Variants in CRACD observed in about 807,000 individuals in gnomAD.
The protein encoded by CRACD is capping protein inhibiting regulator of actin dynamics.
In CRACD, 56 loss-of-function variants were observed where a neutral mutation model predicts 106.8. The observed-to-expected ratio is 0.52, with a 90% CI of 0.42 to 0.66. The LOEUF is 0.66. Ranked by LOEUF, CRACD falls within the 30% of genes least tolerant of loss-of-function variation. The probability of loss-of-function intolerance (pLI) is 0.00; values close to 1 mark genes in which losing one functional copy is unlikely to be tolerated. For missense variants in CRACD, 1,730 were observed against 1,623.2 expected, an observed-to-expected ratio of 1.07 and a Z score of -1.13; for synonymous variants, 754 against 670.8, an observed-to-expected ratio of 1.12 and a Z score of -1.92.
chr4:56,202,408 G>A (rs1310808872), intron 2 of CRACD, among the ~76,000 whole-genome samples: 4 of 152,092 alleles, frequency 2.6e-5, no homozygotes, highest in East Asian at 1.9e-4. Flanking sequence ...CATCACACCC[G>A]GCTAATTTTT....
At chr4:56,091,967 G>A (rs1733437423) in intron 1 of CRACD, among the ~76,000 whole-genome samples, 1 of 152,180 alleles carries the variant, frequency 6.6e-6, no homozygotes, top group Non-Finnish European at 1.5e-5. Flanking sequence ...AGACTCGCTT[G>A]AGGCCAGGTG....
chr4:56,147,068 G>GC (rs1487060250), intron 1 of CRACD, among the ~76,000 whole-genome samples: 1 of 152,114 alleles, frequency 6.6e-6, no homozygotes, highest in Non-Finnish European at 1.5e-5. Flanking sequence ...GGTCCAATTT[G>GC]CATCATCCTG....
intron 3 of CRACD, among the ~76,000 whole-genome samples, chr4:56,297,212 G>A (rs1296504369): frequency 1.3e-5 from 2 of 152,096 alleles, no homozygotes; most frequent in African/African-American, 4.8e-5. Flanking sequence ...CAAAGTGCTG[G>A]GCTTGGCATG....
At chr4:56,111,615 C>T (rs1340047833) in intron 1 of CRACD, among the ~76,000 whole-genome samples, 1 of 152,226 alleles carries the variant, frequency 6.6e-6, no homozygotes, top group Non-Finnish European at 1.5e-5. Flanking sequence ...AATCTTGGCT[C>T]ACTGCAGCCT....
chr4:56,329,120 G>A lies in CRACD; in HGVS notation c.*1316G>A, dbSNP rs930998314. 6.6e-6 allele frequency among the ~76,000 whole-genome samples: 1 copy of A among 152,166 alleles called. No homozygotes were observed. The highest frequency in any genetic ancestry group is 1.5e-5 in the Non-Finnish European group (1 of 68,040). ...TCATACACATGTGCATACAAAGAAG[G>A]GACTTGGCAGTTTAAAAGCCACATA... On this transcript the variant is annotated 3_prime_UTR_variant, in exon 11 of 11. Transcript: ENST00000682029.
At chr4:56,056,800 T>C (rs1424988431) in intron 1 of CRACD, among the ~76,000 whole-genome samples, 1 of 152,042 alleles carries the variant, frequency 6.6e-6, no homozygotes, top group Non-Finnish European at 1.5e-5. Context: ...GTGCTGGGCC[T>C]GGTGGCTCAT....
chr4:56,187,034 A>T (rs140572276), intron 2 of CRACD, among the ~76,000 whole-genome samples: 4 of 151,628 alleles, frequency 2.6e-5, no homozygotes, highest in Non-Finnish European at 5.9e-5. Flanking sequence ...ATGCCACTGC[A>T]CTCCAGCCTG....
intron 2 of CRACD, among the ~76,000 whole-genome samples, chr4:56,204,984 T>C (rs1300533185): frequency 6.6e-6 from 1 of 152,056 alleles, no homozygotes; most frequent in Non-Finnish European, 1.5e-5. Flanking sequence ...TAGCAAGACC[T>C]CATTTCTACA....
chr4:56,270,379 C>T (rs1311286099), intron 2 of CRACD, among the ~76,000 whole-genome samples: 1 of 152,082 alleles, frequency 6.6e-6, no homozygotes, highest in Non-Finnish European at 1.5e-5. Flanking sequence ...TCTGTGACAT[C>T]TCAGTAAGGC....
chr4:56,171,752 A>G (rs1736373744), intron 1 of CRACD, among the ~76,000 whole-genome samples: 1 of 152,182 alleles, frequency 6.6e-6, no homozygotes, highest in Non-Finnish European at 1.5e-5. Context: ...AAATAGTAGA[A>G]AATTATAAGA....
intron 2 of CRACD, among the ~76,000 whole-genome samples, chr4:56,185,998 C>G (rs1737080121): frequency 6.6e-6 from 1 of 152,218 alleles, no homozygotes; most frequent in Non-Finnish European, 1.5e-5. Context: ...ACACCCATCC[C>G]TCCTTTCTTC....
At position 56,315,034 on chromosome 4, in the gene CRACD, C is replaced by T. The variant is rs753812363; in HGVS notation, c.1532C>T (p.Ala511Val). The T allele has an allele frequency of 2.8e-5, 45 of 1,599,274 alleles. No individual in the cohort carries two copies. Among genetic ancestry groups the T allele is most frequent in the South Asian group, 2.3e-4 (20 of 88,238 alleles). ...CCTCCGGTGGAGAGGAAAGAAGCCGCCGCCCTTGAACAAGGCCGCAAGGTG... is the reference window on the plus strand; with the variant it reads ...CCTCCGGTGGAGAGGAAAGAAGCCGTCGCCCTTGAACAAGGCCGCAAGGTG... ...AQPPVERKEA[A>V]ALEQGRKVEE... Residue 511 changes from alanine (A) to valine (V), a missense_variant, in exon 8 of 11, where the codon GCC becomes GTC. This residue lies in a region of CRACD where 1,620 missense variants were observed against 1,481.6 expected (regional missense o/e 1.09). Transcript: ENST00000682029. This position sits in a 1 kb window ranked among gnomAD's most constrained non-coding sequence, Gnocchi z 4.1.
chr4:56,258,660 A>G (rs1741513011), intron 2 of CRACD, among the ~76,000 whole-genome samples: 1 of 152,210 alleles, frequency 6.6e-6, no homozygotes, highest in South Asian at 2.1e-4. Flanking sequence ...CCTGAAGGAC[A>G]GTGGTGAAGG....
At chr4:56,073,355 C>A (rs1217577630) in intron 1 of CRACD, among the ~76,000 whole-genome samples, 1 of 133,170 alleles carries the variant, frequency 7.5e-6, no homozygotes, top group African/African-American at 3.4e-5. Context: ...CTCTAATGAC[C>A]AGTGATGATG....
At chr4:56,160,046 G>C (rs1735896610) in intron 1 of CRACD, among the ~76,000 whole-genome samples, 2 of 152,216 alleles carry the variant, frequency 1.3e-5, no homozygotes, top group Admixed American at 1.3e-4. Flanking sequence ...TTCCCAAAGT[G>C]CTGGGATTAC....
rs6811153 is a variant in CRACD, at chr4:56,328,294, A to G, written c.*490A>G. ...TATCTAGCTAAAAGCAAGAACACCC[A>G]TTCTCCTGAATGCAGTGAGTAATTG... On this transcript the variant is annotated 3_prime_UTR_variant, in exon 11 of 11. Transcript: ENST00000682029. 190,565 of 516,614 alleles carry G rather than the reference A, an allele frequency of 0.37. 37,552 individuals carry two copies. Among genetic ancestry groups the G allele is most frequent in the Non-Finnish European group, 0.42 (109,618 of 258,798 alleles). The allele number at this position is 516,614 out of a possible 1,614,324, so 32.0% of individuals were successfully genotyped here.
At chr4:56,171,156 T>C (rs1486554554) in intron 1 of CRACD, among the ~76,000 whole-genome samples, 2 of 152,090 alleles carry the variant, frequency 1.3e-5, no homozygotes, top group Admixed American at 1.3e-4. Flanking sequence ...AGAAAGACCA[T>C]GATCATTATA....
chr4:56,154,875 A>G (rs1167975651), intron 1 of CRACD, among the ~76,000 whole-genome samples: 1 of 152,230 alleles, frequency 6.6e-6, no homozygotes, highest in Admixed American at 6.5e-5. Context: ...TCACTTTTCT[A>G]TGAGGTATTT....
intron 2 of CRACD, among the ~76,000 whole-genome samples, chr4:56,256,384 C>T (rs971097766): frequency 5.3e-5 from 8 of 152,198 alleles, no homozygotes; most frequent in African/African-American, 1.9e-4. Context: ...GAACTGTAGT[C>T]CATTAAACCT....
Sources: allele counts gnomAD v4.1 joint callset (sites outside exome capture counted in the v4.1 genomes callset), GRCh38; gene constraint gnomAD v4.1.1; regional missense constraint gnomAD v4.1.1; non-coding constraint Gnocchi (gnomAD v3.1); transcripts MANE v1.5; gene names NCBI Gene and HGNC (gene_info 2026-07-23, HGNC 2026-07-21).